Variants in SLX4IP observed in about 807,000 individuals in gnomAD.
SLX4IP encodes the protein SLX4 interacting protein.
A neutral mutation model predicts 32.9 loss-of-function variants in SLX4IP; 34 were observed. That is an observed-to-expected ratio of 1.03 (90% CI 0.79 to 1.38). The LOEUF (loss-of-function observed/expected upper bound fraction) is 1.38, where lower values mean the gene tolerates loss of function less well. SLX4IP is among the 40% of genes most tolerant of loss of function. SLX4IP has a pLI of 0.00. For synonymous variants in SLX4IP, 172 were observed against 171.7 expected, an observed-to-expected ratio of 1.00 and a Z score of -0.01; for missense variants, 444 against 479.0, an observed-to-expected ratio of 0.93 and a Z score of 0.68.
chr20:10,451,072 C>A (rs970514269), intron 1 of SLX4IP, among the ~76,000 whole-genome samples: 2 of 93,766 alleles, frequency 2.1e-5, no homozygotes, highest in African/African-American at 3.1e-5. Context: ...TTTTGTATGT[C>A]ATTTTATTTA....
intron 2 of SLX4IP, among the ~76,000 whole-genome samples, chr20:10,463,846 G>A (rs1159423216): frequency 6.6e-6 from 1 of 152,146 alleles, no homozygotes; most frequent in African/African-American, 2.4e-5. Context: ...CAGTGGCACA[G>A]TCATAACTCA....
At chr20:10,617,388 C>T (rs73075317) in intron 6 of SLX4IP, among the ~76,000 whole-genome samples, 26,957 of 152,168 alleles carry the variant, frequency 0.18, 2,629 homozygotes, top group South Asian at 0.23. Flanking sequence ...CCAGTCTTCC[C>T]ACTGGCCTGC....
intron 2 of SLX4IP, among the ~76,000 whole-genome samples, chr20:10,511,179 A>AT (rs2065805152): frequency 6.6e-6 from 1 of 152,202 alleles, no homozygotes; most frequent in Non-Finnish European, 1.5e-5. Flanking sequence ...TGTTGTTCTC[A>AT]TAATCTGCTG....
At chr20:10,581,642 G>A (rs565991162) in intron 4 of SLX4IP, among the ~76,000 whole-genome samples, 82 of 152,284 alleles carry the variant, frequency 5.4e-4, no homozygotes, top group Admixed American at 1.1e-3. Context: ...GAGGCCAGGT[G>A]CAGTGGCTCA....
At chr20:10,611,201 G>A (rs778697826) in intron 6 of SLX4IP, among the ~76,000 whole-genome samples, 1 of 152,056 alleles carries the variant, frequency 6.6e-6, no homozygotes, top group Admixed American at 6.6e-5. Flanking sequence ...TGCTTTTATT[G>A]TTGGCAGAAG....
Position 10,627,706 on chromosome 20 carries a change from T to C in SLX4IP, c.*4327T>C, listed in dbSNP as rs1261961001. ...TAATATTACCATACACCATATTACC[T>C]TATAATTGCCATTACAGTTCCTTAT... is the stretch of plus-strand genomic sequence containing the variant. On this transcript the variant is annotated 3_prime_UTR_variant, in exon 8 of 8. Transcript: ENST00000334534. 1 of 152,258 alleles carries C rather than the reference T, an allele frequency of 6.6e-6. No homozygotes were observed. Among genetic ancestry groups the C allele is most frequent in the Non-Finnish European group, 1.5e-5 (1 of 68,040 alleles). The allele number at this position is 152,258 out of a possible 1,614,324, so 9.4% of individuals were successfully genotyped here. A position where few individuals can be genotyped will look rare whatever the true frequency, so the allele number is the denominator to read the frequency against.
intron 3 of SLX4IP, among the ~76,000 whole-genome samples, chr20:10,557,077 C>T (rs1226909776): frequency 6.6e-6 from 1 of 152,180 alleles, no homozygotes; most frequent in Non-Finnish European, 1.5e-5. Flanking sequence ...GTGGCTTTTA[C>T]ACACCTTTAA....
At chr20:10,455,929 C>T (rs978688698) in intron 1 of SLX4IP, among the ~76,000 whole-genome samples, 7 of 151,944 alleles carry the variant, frequency 4.6e-5, no homozygotes, top group African/African-American at 1.7e-4. Context: ...TGTTCTTATG[C>T]TAGTATAGGT....
chr20:10,523,653 C>G (rs1352100812), intron 2 of SLX4IP, among the ~76,000 whole-genome samples: 1 of 152,232 alleles, frequency 6.6e-6, no homozygotes, highest in South Asian at 2.1e-4. Context: ...TGGCACGGTG[C>G]CCGGCACCAA....
chr20:10,611,896 C>T (rs1352176466), intron 6 of SLX4IP, among the ~76,000 whole-genome samples: 1 of 152,156 alleles, frequency 6.6e-6, no homozygotes, highest in Non-Finnish European at 1.5e-5. Flanking sequence ...AAGTCCATAT[C>T]TAACCATGAT....
chr20:10,462,312 A>G (rs956691686), intron 2 of SLX4IP, among the ~76,000 whole-genome samples: 9 of 152,230 alleles, frequency 5.9e-5, no homozygotes, highest in South Asian at 2.1e-4. Context: ...GGAGGATACA[A>G]ACTTCCTGTT....
intron 2 of SLX4IP, among the ~76,000 whole-genome samples, chr20:10,470,310 C>A (rs1234904366): frequency 6.6e-6 from 1 of 152,138 alleles, no homozygotes; most frequent in South Asian, 2.1e-4. Flanking sequence ...ATTTACAGTC[C>A]CAGAGAATTC....
chr20:10,495,145 A>G (rs904595542), intron 2 of SLX4IP, among the ~76,000 whole-genome samples: 5 of 152,326 alleles, frequency 3.3e-5, no homozygotes, highest in African/African-American at 1.2e-4. Context: ...ATATGACTGT[A>G]AAATATATCT....
chr20:10,627,846 TTCAATCAA>T lies in SLX4IP; in HGVS notation c.*4468_*4475del, dbSNP rs2067190940. ...TGGACAGATCCCCCGAATAACTTTC[TTCAATCAA>T]GTTGAAAAACCAAACAGCTATGTAA... is the stretch of plus-strand genomic sequence containing the variant. On this transcript the variant is annotated 3_prime_UTR_variant, in exon 8 of 8. Coordinates refer to ENST00000334534, the MANE Select transcript of SLX4IP (RefSeq NM_001009608.3). 1 of 152,254 alleles carries T rather than the reference TTCAATCAA, an allele frequency of 6.6e-6. No individual in the cohort carries two copies. Among genetic ancestry groups the T allele is most frequent in the African/African-American group, 2.4e-5 (1 of 41,470 alleles). The allele number at this position is 152,254 out of a possible 1,614,324, so 9.4% of individuals were successfully genotyped here.
At chr20:10,600,793 G>A (rs2066832107) in intron 5 of SLX4IP, among the ~76,000 whole-genome samples, 1 of 152,134 alleles carries the variant, frequency 6.6e-6, no homozygotes, top group South Asian at 2.1e-4. Context: ...TTAGAAAAAT[G>A]ACTTAATTTC....
intron 2 of SLX4IP, among the ~76,000 whole-genome samples, chr20:10,517,006 T>A (rs749758423): frequency 3.3e-5 from 5 of 152,220 alleles, no homozygotes; most frequent in Non-Finnish European, 7.3e-5. Flanking sequence ...ACCTGCAACT[T>A]AAAACCTGCT....
At chr20:10,616,391 GAAATAAAT>G (rs202239370) in intron 6 of SLX4IP, among the ~76,000 whole-genome samples, 3,555 of 131,574 alleles carry the variant, frequency 0.027, 114 homozygotes, top group African/African-American at 0.078. Flanking sequence ...AAAAAAAAAT[GAAATAAAT>G]AAATAAATAA....
intron 2 of SLX4IP, among the ~76,000 whole-genome samples, chr20:10,523,452 G>A (rs980720198): frequency 6.6e-5 from 10 of 152,116 alleles, no homozygotes; most frequent in Non-Finnish European, 1.2e-4. Context: ...ATAGTCAAAC[G>A]CCTTTGTGTT....
intron 4 of SLX4IP, among the ~76,000 whole-genome samples, chr20:10,575,375 C>T (rs1175708871): frequency 1.3e-5 from 2 of 152,052 alleles, no homozygotes; most frequent in African/African-American, 4.8e-5. Flanking sequence ...GTTTAGCTGC[C>T]ACATAGCATT....
Sources: allele counts gnomAD v4.1 joint callset (sites outside exome capture counted in the v4.1 genomes callset), GRCh38; gene constraint gnomAD v4.1.1; transcripts MANE v1.5; gene names NCBI Gene and HGNC (gene_info 2026-07-23, HGNC 2026-07-21).